BICD1: variants seen among roughly 807,000 people sequenced by gnomAD.
BICD1 encodes the protein protein bicaudal D homolog 1.
BICD1 carries 35 observed loss-of-function variants against 92.5 expected under a neutral mutation model. The observed-to-expected ratio is 0.38, with a 90% CI of 0.29 to 0.50. The LOEUF (loss-of-function observed/expected upper bound fraction) is 0.50. BICD1 is among the 20% of genes least tolerant of loss of function. The probability of loss-of-function intolerance (pLI) is 0.93; values close to 1 mark genes in which losing one functional copy is unlikely to be tolerated. For missense variants in BICD1, 950 were observed against 1,189.8 expected (o/e 0.80, Z 2.97); for synonymous variants, 429 against 465.1 (o/e 0.92, Z 1.00).
chr12:32,361,552 CA>C (rs369280649), intron 8 of BICD1, among the ~76,000 whole-genome samples: 1,385 of 75,400 alleles, frequency 0.018, 5 homozygotes, highest in Non-Finnish European at 0.025. Flanking sequence ...GACTCCATCT[CA>C]AAAAAAAAAA....
intron 1 of BICD1, among the ~76,000 whole-genome samples, chr12:32,143,529 A>G (rs1943014843): frequency 6.6e-6 from 1 of 152,162 alleles, no homozygotes; most frequent in Non-Finnish European, 1.5e-5. Flanking sequence ...GTTATGGTAT[A>G]GTATCCCATT....
In BICD1 at chr12:32,383,080, G is replaced by A. The variant is rs181085934; in HGVS notation, c.*5453G>A. 13 of 152,180 alleles carry A rather than the reference G, an allele frequency of 8.5e-5. No individual in the cohort carries two copies. Among genetic ancestry groups the A allele is most frequent in the South Asian group, 4.1e-4 (2 of 4,830 alleles). 9.4% of individuals were successfully genotyped at this position (152,180 alleles called of 1,614,324 possible). The stretch of plus-strand genomic sequence containing the variant: ...TATGCTTATGTGATGAACCATCCAT[G>A]ATTCTGATATTGTATTTCTTTCCAG... On this transcript the variant is annotated 3_prime_UTR_variant, in exon 10 of 10. Coordinates refer to ENST00000652176, the MANE Select transcript of BICD1 (RefSeq NM_001714.4).
rs146749227 is a variant in BICD1 at position 32,351,834 on chromosome 12, G to A, written c.2764+12855G>A. Among the ~76,000 whole-genome samples, 307 of 150,750 alleles carry A rather than the reference G, an allele frequency of 2.0e-3. 1 individual carries two copies. The Middle Eastern group carries it at 0.045, about 22-fold the overall frequency. On this transcript the variant is annotated intron_variant, in intron 8 of 9. Coordinates refer to ENST00000652176, the MANE Select transcript of BICD1 (RefSeq NM_001714.4). ...AGGATAATTGCTTGAACCAGGACGCGGGAGGCAGAGGTTGCAGTGAGCCAA... is the reference window on the plus strand; with the variant it reads ...AGGATAATTGCTTGAACCAGGACGCAGGAGGCAGAGGTTGCAGTGAGCCAA...
intron 2 of BICD1, among the ~76,000 whole-genome samples, chr12:32,229,390 G>A (rs1945801434): frequency 6.6e-6 from 1 of 152,176 alleles, no homozygotes; most frequent in Non-Finnish European, 1.5e-5. Context: ...CTGCAGCATT[G>A]AGAGGTGGGG....
intron 2 of BICD1, among the ~76,000 whole-genome samples, chr12:32,284,421 T>A (rs1947506442): frequency 2.6e-5 from 4 of 152,082 alleles, no homozygotes; most frequent in African/African-American, 9.6e-5. Context: ...GGTACTTTTA[T>A]TGTTATTAGG....
chr12:32,136,649 G>A (rs1470807881), intron 1 of BICD1, among the ~76,000 whole-genome samples: 4 of 151,992 alleles, frequency 2.6e-5, no homozygotes, highest in Non-Finnish European at 5.9e-5. Context: ...AAGGCAGGTT[G>A]AGGGGCAGAG....
chr12:32,119,381 T>G (rs1005667619), intron 1 of BICD1, among the ~76,000 whole-genome samples: 2 of 152,194 alleles, frequency 1.3e-5, no homozygotes, highest in Non-Finnish European at 2.9e-5. Context: ...GACTGTATGT[T>G]AGAATCACCT....
At chr12:32,224,175 G>T (rs1945617313) in intron 2 of BICD1, among the ~76,000 whole-genome samples, 1 of 152,182 alleles carries the variant, frequency 6.6e-6, no homozygotes, top group Non-Finnish European at 1.5e-5. Context: ...GGCATGGCTT[G>T]GCTCTTGCTG....
At chr12:32,265,094 C>T (rs1946954662) in intron 2 of BICD1, among the ~76,000 whole-genome samples, 1 of 151,904 alleles carries the variant, frequency 6.6e-6, no homozygotes, top group African/African-American at 2.4e-5. Context: ...TCCACGAGGC[C>T]TCTGGGGTCT....
intron 2 of BICD1, among the ~76,000 whole-genome samples, chr12:32,248,024 A>C (rs560020235): frequency 6.6e-6 from 1 of 152,232 alleles, no homozygotes; most frequent in East Asian, 1.9e-4. Context: ...TGGAGGTTGC[A>C]GTGAGCCGAG....
intron 1 of BICD1, among the ~76,000 whole-genome samples, chr12:32,186,958 G>A (rs779066556): frequency 2.0e-5 from 3 of 152,168 alleles, no homozygotes; most frequent in Admixed American, 6.5e-5. Context: ...TCTGGGTTAT[G>A]TTGCCTGCTC....
chr12:32,166,363 T>C (rs1212520554), intron 1 of BICD1, among the ~76,000 whole-genome samples: 1 of 152,092 alleles, frequency 6.6e-6, no homozygotes, highest in Non-Finnish European at 1.5e-5. Context: ...CTCAAACTCC[T>C]GACTTCAGGT....
intron 2 of BICD1, among the ~76,000 whole-genome samples, chr12:32,238,294 T>A (rs970785319): frequency 1.2e-4 from 19 of 152,114 alleles, no homozygotes; most frequent in African/African-American, 3.9e-4. Context: ...ATGGTGGAAA[T>A]AGCAAGAGAA....
intron 2 of BICD1, among the ~76,000 whole-genome samples, chr12:32,217,332 G>T (rs191912200): frequency 6.6e-6 from 1 of 152,124 alleles, no homozygotes; most frequent in African/African-American, 2.4e-5. Context: ...AAATATGTAG[G>T]ATGAAAATAT....
chr12:32,204,736 C>G (rs915657852), intron 1 of BICD1, among the ~76,000 whole-genome samples: 2 of 152,294 alleles, frequency 1.3e-5, no homozygotes, highest in East Asian at 3.9e-4. Context: ...CTGTGATTCT[C>G]AAATGGTATG....
Position 32,306,109 on chromosome 12 carries a change from A to C in BICD1, c.992A>C (p.Gln331Pro), listed in dbSNP as rs1469429616. ...ATTTCAGAAATACAGAAGTTGAAGC[A>C]GCAGCTTATGCAGGTAAGAACTTTG... ...LNISEIQKLK[Q>P]QLMQVEREKA... The change falls in exon 4 of 10, where the codon CAG becomes CCG. Residue 331 changes from glutamine (Q) to proline (P), a missense_variant. By Grantham distance (76) the Gln-to-Pro change is moderately conservative (BLOSUM62 -1). This residue lies in a region of BICD1 where 246 missense variants were observed against 258.4 expected (regional missense o/e 0.95). Coordinates refer to ENST00000652176, the MANE Select transcript of BICD1 (RefSeq NM_001714.4). 6.2e-7 allele frequency: 1 copy of C among 1,600,374 alleles called. No individual in the cohort carries two copies. Among genetic ancestry groups the C allele is most frequent in the African/African-American group, 1.3e-5 (1 of 74,252 alleles).
At chr12:32,234,364 G>A (rs563721822) in intron 2 of BICD1, among the ~76,000 whole-genome samples, 13 of 152,244 alleles carry the variant, frequency 8.5e-5, no homozygotes, top group African/African-American at 2.9e-4. Flanking sequence ...TTGGGAGGCC[G>A]AGGCGGGCAG....
chr12:32,216,741 A>C (rs1945373442), intron 2 of BICD1, among the ~76,000 whole-genome samples: 1 of 152,206 alleles, frequency 6.6e-6, no homozygotes, highest in African/African-American at 2.4e-5. Flanking sequence ...TTAAAAATAC[A>C]GTGACCTTAG....
chr12:32,314,079 T>C lies in BICD1; in HGVS notation c.1005+7957T>C, dbSNP rs190563346. Among the ~76,000 whole-genome samples, 45 of 152,376 alleles carry C rather than the reference T, an allele frequency of 3.0e-4. No homozygotes were observed. The East Asian group carries it at 8.7e-3, about 29-fold the overall frequency. ...GCATAACATTTTAAAGGTTCGTCCA[T>C]GCTGTAATATATCAGCACTTCATTT... On this transcript the variant is annotated intron_variant, in intron 4 of 9. Transcript: ENST00000652176.
Sources: allele counts gnomAD v4.1 joint callset (sites outside exome capture counted in the v4.1 genomes callset), GRCh38; gene constraint gnomAD v4.1.1; regional missense constraint gnomAD v4.1.1; transcripts MANE v1.5; gene names NCBI Gene and HGNC (gene_info 2026-07-23, HGNC 2026-07-21).